RERG: variants seen among roughly 807,000 people sequenced by gnomAD.
The protein encoded by RERG is RAS like estrogen regulated growth inhibitor.
RERG carries 25 observed loss-of-function variants against 23.2 expected under a neutral mutation model. The observed-to-expected ratio is 1.08, with a 90% CI of 0.79 to 1.50. RERG has a LOEUF of 1.50. Among genes scored for constraint, RERG ranks in the 40% most tolerant of loss-of-function variants. The pLI, the probability that RERG is intolerant of heterozygous loss-of-function variation, is 0.00. For synonymous variants in RERG, 81 were observed against 89.1 expected (o/e 0.91, Z 0.51); for missense variants, 253 against 250.1 (o/e 1.01, Z -0.08).
intron 2 of RERG, among the ~76,000 whole-genome samples, chr12:15,185,284 A>G (rs1347262922): frequency 1.3e-5 from 2 of 152,178 alleles, no homozygotes; most frequent in African/African-American, 2.4e-5. Context: ...CCTCTTTCAC[A>G]ATATTCTTAA....
Position 15,111,472 on chromosome 12 carries a change from T to A in RERG, c.119-55A>T. The stretch of plus-strand genomic sequence containing the variant: ...AAAGATAAATAAATGCAAGATTTAA[T>A]TTGATCCTTAAAACTGAAAATGGGC... On this transcript the variant is annotated intron_variant, in intron 3 of 4. Coordinates refer to ENST00000256953, the MANE Select transcript of RERG (RefSeq NM_032918.3). 3 of 1,409,666 alleles carry A rather than the reference T, an allele frequency of 2.1e-6. No homozygotes were observed. The South Asian group carries it at 3.5e-5, about 17-fold the overall frequency. 87.3% of individuals were successfully genotyped at this position (1,409,666 alleles called of 1,614,324 possible). A position where few individuals can be genotyped will look rare whatever the true frequency, so the allele number is the denominator to read the frequency against.
chr12:15,217,558 C>G lies in RERG; in HGVS notation c.-69G>C. ...CTGAGTAAATCTTTTTGGTTCCAGTCTTTGGATTCACCATATCATTGTGAA... is the reference window on the plus strand; with the variant it reads ...CTGAGTAAATCTTTTTGGTTCCAGTGTTTGGATTCACCATATCATTGTGAA... On this transcript the variant is annotated 5_prime_UTR_variant, in exon 2 of 5. Coordinates refer to ENST00000256953, the MANE Select transcript of RERG (RefSeq NM_032918.3). 9.1e-7 allele frequency: 1 copy of G among 1,095,958 alleles called. No individual in the cohort carries two copies. Among genetic ancestry groups the G allele is most frequent in the Non-Finnish European group, 1.4e-6 (1 of 708,612 alleles). The allele number at this position is 1,095,958 out of a possible 1,614,324, so 67.9% of individuals were successfully genotyped here.
intron 3 of RERG, among the ~76,000 whole-genome samples, chr12:15,112,996 C>A (rs934827148): frequency 6.6e-6 from 1 of 152,194 alleles, no homozygotes; most frequent in African/African-American, 2.4e-5. Context: ...AGCACATCAC[C>A]TACAAAAAGA....
At chr12:15,210,440 T>G (rs1865351187) in intron 2 of RERG, among the ~76,000 whole-genome samples, 1 of 152,204 alleles carries the variant, frequency 6.6e-6, no homozygotes, top group Non-Finnish European at 1.5e-5. Context: ...TTAATTTTGT[T>G]TTGTTTTGTT....
intron 2 of RERG, among the ~76,000 whole-genome samples, chr12:15,157,393 G>A (rs1030444088): frequency 6.6e-6 from 1 of 152,178 alleles, no homozygotes; most frequent in Admixed American, 6.5e-5. Flanking sequence ...GGACGTGCAA[G>A]AAGCTTGAGA....
In RERG at chr12:15,118,869, T is replaced by A. The variant is rs373358623; in HGVS notation, c.118+2194A>T. On this transcript the variant is annotated intron_variant, in intron 3 of 4. Coordinates refer to ENST00000256953, the MANE Select transcript of RERG (RefSeq NM_032918.3). ...GAGCCAATTAAACCTCTTTTCTTTA[T>A]AAACTACTCAGTCTCAGGTATTTCT... 1.8e-3 allele frequency among the ~76,000 whole-genome samples: 270 copies of A among 152,302 alleles called. 10 individuals are homozygous for A. The South Asian group carries it at 0.054, about 30-fold the overall frequency.
intron 2 of RERG, among the ~76,000 whole-genome samples, chr12:15,149,124 T>C (rs976726220): frequency 6.6e-6 from 1 of 151,820 alleles, no homozygotes; most frequent in Non-Finnish European, 1.5e-5. Flanking sequence ...CCGCCTCGGT[T>C]TCCCAAAGTG....
chr12:15,175,274 G>T lies in RERG; in HGVS notation c.61+42155C>A, dbSNP rs543690618. Among the ~76,000 whole-genome samples the T allele has an allele frequency of 9.2e-4, 134 of 146,096 alleles. 1 individual carries two copies. Among genetic ancestry groups the T allele is most frequent in the African/African-American group, 3.2e-3 (124 of 39,086 alleles). On this transcript the variant is annotated intron_variant, in intron 2 of 4. Coordinates refer to ENST00000256953, the MANE Select transcript of RERG (RefSeq NM_032918.3). ...TTACGTTGTTAATCAGCTAATGCTTGGTCAGAGATTTCTTAAATGCCTCCA... is the reference window on the plus strand; with the variant it reads ...TTACGTTGTTAATCAGCTAATGCTTTGTCAGAGATTTCTTAAATGCCTCCA...
chr12:15,170,676 G>A (rs757531003), intron 2 of RERG, among the ~76,000 whole-genome samples: 2 of 152,184 alleles, frequency 1.3e-5, no homozygotes, highest in Non-Finnish European at 2.9e-5. Flanking sequence ...GAGGAAGCCT[G>A]CAGAGTTCTG....
chr12:15,174,449 G>C (rs952092662), intron 2 of RERG, among the ~76,000 whole-genome samples: 1 of 150,830 alleles, frequency 6.6e-6, no homozygotes, highest in African/African-American at 2.4e-5. Context: ...GGATCTCCTT[G>C]AATTTATTCT....
At chr12:15,139,466 CT>C (rs1370292842) in intron 2 of RERG, among the ~76,000 whole-genome samples, 1 of 152,106 alleles carries the variant, frequency 6.6e-6, no homozygotes, top group Non-Finnish European at 1.5e-5. Flanking sequence ...TGCAGTATCT[CT>C]CCATTTATTT....
intron 2 of RERG, among the ~76,000 whole-genome samples, chr12:15,130,193 GC>G (rs1207670919): frequency 1.3e-5 from 2 of 152,116 alleles, no homozygotes; most frequent in Non-Finnish European, 2.9e-5. Flanking sequence ...GCTAGGCACT[GC>G]CCCATAAGCA....
chr12:15,212,350 C>T (rs1401673436), intron 2 of RERG, among the ~76,000 whole-genome samples: 1 of 151,778 alleles, frequency 6.6e-6, no homozygotes, highest in South Asian at 2.1e-4. Context: ...TGAGCCACCG[C>T]GCCCGGCCAC....
At chr12:15,160,932 C>G (rs1041174430) in intron 2 of RERG, among the ~76,000 whole-genome samples, 16 of 151,856 alleles carry the variant, frequency 1.1e-4, no homozygotes, top group Non-Finnish European at 2.2e-4. Context: ...GTTAGGAGAT[C>G]AAGATCTTCC....
At chr12:15,196,655 A>C (rs1865148961) in intron 2 of RERG, among the ~76,000 whole-genome samples, 2 of 152,212 alleles carry the variant, frequency 1.3e-5, no homozygotes, top group South Asian at 4.1e-4. Flanking sequence ...ACTAAAAATG[A>C]AACACATACT....
intron 2 of RERG, among the ~76,000 whole-genome samples, chr12:15,207,422 C>A (rs1033036992): frequency 6.6e-6 from 1 of 152,060 alleles, no homozygotes; most frequent in African/African-American, 2.4e-5. Flanking sequence ...TTTGGCTCAG[C>A]AATGGCATAC....
intron 2 of RERG, among the ~76,000 whole-genome samples, chr12:15,141,899 G>A (rs1207325449): frequency 6.6e-6 from 1 of 152,142 alleles, no homozygotes; most frequent in East Asian, 1.9e-4. Context: ...TCAGCCATGT[G>A]TTATATATAT....
intron 2 of RERG, among the ~76,000 whole-genome samples, chr12:15,160,888 G>C (rs1225461775): frequency 6.6e-6 from 1 of 152,120 alleles, no homozygotes; most frequent in African/African-American, 2.4e-5. Context: ...TGTAATCCCA[G>C]CACTTCGGGA....
At chr12:15,122,597 G>T (rs1456401131) in intron 2 of RERG, among the ~76,000 whole-genome samples, 1 of 152,166 alleles carries the variant, frequency 6.6e-6, no homozygotes, top group African/African-American at 2.4e-5. Context: ...CACAGTGACT[G>T]TACTTGTGGT....
Sources: gnomAD v4.1 joint callset for allele counts (sites outside exome capture counted in the v4.1 genomes callset) on GRCh38, gnomAD v4.1.1 for gene constraint, MANE v1.5 for transcripts, NCBI Gene and HGNC (gene_info 2026-07-23, HGNC 2026-07-21) for gene names.